Variants in AMPH observed in about 807,000 individuals in gnomAD.
AMPH encodes amphiphysin (Stiff-Mann syndrome with breast cancer 128kD autoantigen).
AMPH carries 49 observed loss-of-function variants against 99.1 expected under a neutral mutation model. The observed-to-expected ratio is 0.49, with a 90% confidence interval of 0.39 to 0.63. The LOEUF (loss-of-function observed/expected upper bound fraction) is 0.63, where lower values mean the gene tolerates loss of function less well. Ranked by LOEUF, AMPH falls within the 20% of genes least tolerant of loss-of-function variation. The pLI is 0.00. For missense variants in AMPH, 759 were observed against 863.4 expected (o/e 0.88, Z 1.52); for synonymous variants, 314 against 317.3 (o/e 0.99, Z 0.11).
chr7:38,494,384 G>A, intron 4 of AMPH, 49 bp downstream of exon 4: 1 of 1,487,842 alleles, frequency 6.7e-7, no homozygotes, highest in Non-Finnish European at 9.4e-7. Context: ...GGGACAGGTG[G>A]ACTGAGCAAG....
chr7:38,629,013 A>T (rs186876430), intron 1 of AMPH, among the ~76,000 whole-genome samples: 2 of 152,342 alleles, frequency 1.3e-5, no homozygotes, highest in Admixed American at 1.3e-4. Context: ...ATTTGGTTGT[A>T]AAAACAAGAA....
intron 1 of AMPH, among the ~76,000 whole-genome samples, chr7:38,562,788 T>A (rs1452763086): frequency 1.3e-5 from 2 of 152,186 alleles, no homozygotes; most frequent in African/African-American, 4.8e-5. Context: ...GCTAAAGGAA[T>A]AAACAAACAA....
intron 1 of AMPH, among the ~76,000 whole-genome samples, chr7:38,552,016 A>G (rs1042809640): frequency 1.3e-5 from 2 of 152,214 alleles, no homozygotes; most frequent in Admixed American, 1.3e-4. Context: ...AAAAGATAAA[A>G]AGTGTACATT....
chr7:38,451,895 T>C (rs4723754), intron 11 of AMPH, among the ~76,000 whole-genome samples: 32,843 of 152,082 alleles, frequency 0.22, 4,488 homozygotes, highest in East Asian at 0.63. Flanking sequence ...TTGGAAGATC[T>C]GTTTTTGTAA....
At chr7:38,630,914 G>A (rs1584325603) in intron 1 of AMPH, among the ~76,000 whole-genome samples, 1 of 152,300 alleles carries the variant, frequency 6.6e-6, no homozygotes, top group East Asian at 1.9e-4. Context: ...AGATGCGAGC[G>A]CAGGGAGATG....
intron 1 of AMPH, among the ~76,000 whole-genome samples, chr7:38,544,626 C>A (rs550941249): frequency 6.6e-6 from 1 of 152,248 alleles, no homozygotes; most frequent in East Asian, 1.9e-4. Context: ...AAAATAAGTG[C>A]TAATATCAAA....
At chr7:38,573,445 C>T (rs564403885) in intron 1 of AMPH, among the ~76,000 whole-genome samples, 89 of 152,294 alleles carry the variant, frequency 5.8e-4, no homozygotes, top group African/African-American at 2.0e-3. Flanking sequence ...CTAATGACAA[C>T]CAAAATATAA....
At chr7:38,552,840 T>C (rs1185398871) in intron 1 of AMPH, among the ~76,000 whole-genome samples, 1 of 152,208 alleles carries the variant, frequency 6.6e-6, no homozygotes, top group Non-Finnish European at 1.5e-5. Context: ...TCTTTCATGA[T>C]GCAAGTGACA....
rs544421224 is a variant in AMPH at position 38,401,801 on chromosome 7, G to A, written c.1399-7587C>T. On this transcript the variant is annotated intron_variant, in intron 17 of 20. Transcript: ENST00000356264. ...TCTCCCCATTAAGTTTGCTTTTTTT[G>A]GTGATTTCTTATGATCCACATGCAG... Among the ~76,000 whole-genome samples, 3 of 151,818 alleles carry A rather than the reference G, an allele frequency of 2.0e-5. No homozygotes were observed. In the East Asian group the frequency reaches 5.8e-4, roughly 29 times the overall value.
chr7:38,452,652 G>T (rs895020759), intron 11 of AMPH, among the ~76,000 whole-genome samples: 1 of 152,200 alleles, frequency 6.6e-6, no homozygotes, highest in African/African-American at 2.4e-5. Context: ...ACTCAGCTGG[G>T]TATTTCTCTG....
At chr7:38,425,435 C>T (rs1785749065) in intron 15 of AMPH, among the ~76,000 whole-genome samples, 1 of 152,190 alleles carries the variant, frequency 6.6e-6, no homozygotes, top group Non-Finnish European at 1.5e-5. Flanking sequence ...ACCTAGAAAA[C>T]TAAGCATATC....
chr7:38,610,283 A>G (rs187603723), intron 1 of AMPH, among the ~76,000 whole-genome samples: 15 of 32,288 alleles, frequency 4.6e-4, no homozygotes, highest in African/African-American at 3.9e-3. Context: ...AAAGAAAGAA[A>G]GAAAGAAAGA....
chr7:38,471,260 T>G (rs1257024264), intron 7 of AMPH, among the ~76,000 whole-genome samples: 2 of 152,218 alleles, frequency 1.3e-5, no homozygotes, highest in African/African-American at 4.8e-5. Flanking sequence ...TCATACTCTA[T>G]GTCAGCCTAG....
chr7:38,407,776 C>T (rs1287107237), intron 17 of AMPH, among the ~76,000 whole-genome samples: 4 of 152,230 alleles, frequency 2.6e-5, no homozygotes, highest in Middle Eastern at 3.4e-3. Context: ...AGAGAACAGC[C>T]ATCTTCCTGG....
At chr7:38,412,539 A>G (rs1288941617) in intron 17 of AMPH, among the ~76,000 whole-genome samples, 1 of 152,228 alleles carries the variant, frequency 6.6e-6, no homozygotes, top group African/African-American at 2.4e-5. Context: ...CAGTGGCCCC[A>G]TATTTCAGAG....
At chr7:38,558,063 A>C (rs1174324553) in intron 1 of AMPH, among the ~76,000 whole-genome samples, 2 of 152,162 alleles carry the variant, frequency 1.3e-5, no homozygotes, top group African/African-American at 4.8e-5. Flanking sequence ...AAAAAAGAGA[A>C]AGATCCATGA....
intron 11 of AMPH, among the ~76,000 whole-genome samples, chr7:38,452,117 A>G (rs1787060529): frequency 6.6e-6 from 1 of 152,212 alleles, no homozygotes; most frequent in Non-Finnish European, 1.5e-5. Context: ...GGAGGAGACA[A>G]ACAAATCCAT....
intron 17 of AMPH, among the ~76,000 whole-genome samples, chr7:38,404,444 T>C (rs1424210434): frequency 6.6e-6 from 1 of 152,102 alleles, no homozygotes; most frequent in Non-Finnish European, 1.5e-5. Context: ...CAGAAGACAG[T>C]GTATCAGTTC....
intron 1 of AMPH, among the ~76,000 whole-genome samples, chr7:38,624,832 T>C (rs958099139): frequency 2.0e-5 from 3 of 151,334 alleles, no homozygotes; most frequent in African/African-American, 4.9e-5. Flanking sequence ...ATTATGAACA[T>C]ACAAGGACAA....
Sources: gnomAD v4.1 joint callset for allele counts (sites outside exome capture counted in the v4.1 genomes callset) on GRCh38, gnomAD v4.1.1 for gene constraint, MANE v1.5 for transcripts, NCBI Gene and HGNC (gene_info 2026-07-23, HGNC 2026-07-21) for gene names.